Variants in OTOF observed in about 807,000 individuals in gnomAD.
The protein encoded by OTOF is otoferlin.
Under a neutral mutation model 236.8 loss-of-function variants are expected in OTOF, and 218 were observed. That is an observed-to-expected ratio of 0.92 (90% CI 0.82 to 1.03). OTOF has a LOEUF of 1.03. Among genes scored for constraint, OTOF ranks in the 50% least tolerant of loss-of-function variants. The pLI, the probability that OTOF is intolerant of heterozygous loss-of-function variation, is 0.00. For synonymous variants in OTOF, 1,041 were observed against 1,072.5 expected (o/e 0.97, Z 0.57); for missense variants, 2,590 against 2,694.4 (o/e 0.96, Z 0.86).
intron 3 of OTOF, among the ~76,000 whole-genome samples, chr2:26,525,104 G>T (rs562572606): frequency 5.3e-5 from 8 of 152,162 alleles, no homozygotes; most frequent in Non-Finnish European, 7.4e-5. Context: ...GGCCCCTGGT[G>T]GGGGGTGTCT....
At chr2:26,508,326 A>G (rs1666301105) in intron 5 of OTOF, among the ~76,000 whole-genome samples, 1 of 152,258 alleles carries the variant, frequency 6.6e-6, no homozygotes. Context: ...CCATGCCCCA[A>G]GGCACAGGGA....
chr2:26,470,540 G>A lies in OTOF; in HGVS notation c.4023+53C>T. The A allele has an allele frequency of 6.4e-7, 1 of 1,570,438 alleles. No homozygotes were observed. Among genetic ancestry groups the A allele is most frequent in the Non-Finnish European group, 8.8e-7 (1 of 1,140,506 alleles). On this transcript the variant is annotated intron_variant, in intron 32 of 46. Coordinates refer to ENST00000272371, the MANE Select transcript of OTOF (RefSeq NM_194248.3). The surrounding 1 kb of genome is among the most constrained non-coding windows in gnomAD (Gnocchi z 4.3). ...GGGCCGTGGGAAAGAAGCTGGACAG[G>A]AGGGTCTGAGTGTGGAGGGGGTCAC...
intron 14 of OTOF, among the ~76,000 whole-genome samples, chr2:26,482,184 T>C (rs1300758519): frequency 1.3e-5 from 2 of 152,192 alleles, no homozygotes; most frequent in African/African-American, 2.4e-5. Flanking sequence ...AACTACTAGC[T>C]GACAAATCCA....
intron 12 of OTOF, among the ~76,000 whole-genome samples, 162 bp downstream of exon 12, chr2:26,484,312 T>C (rs1007529912): frequency 2.0e-5 from 3 of 152,188 alleles, no homozygotes; most frequent in Non-Finnish European, 4.4e-5. Context: ...CATCACCCCC[T>C]GCCCCTGCCC....
chr2:26,517,722 C>T (rs1363062699), intron 4 of OTOF, among the ~76,000 whole-genome samples: 3 of 152,198 alleles, frequency 2.0e-5, no homozygotes, highest in African/African-American at 4.8e-5. Context: ...AATCCATTCC[C>T]CATCCAGGAC....
intron 1 of OTOF, among the ~76,000 whole-genome samples, chr2:26,543,211 C>T (rs756764625): frequency 9.2e-5 from 14 of 152,196 alleles, no homozygotes; most frequent in Non-Finnish European, 1.3e-4. Flanking sequence ...AGGCCAGATA[C>T]TCCCATGGAG....
In OTOF at chr2:26,502,329, T is replaced by A. The variant is rs1428247500; in HGVS notation, c.681A>T (p.Thr227=). ...DPDSVSLASV[T]ALTTNVSNKR... is the part of the protein sequence containing the mutation. The stretch of plus-strand genomic sequence containing the variant: ...TGTTGGAGACATTAGTGGTGAGAGC[T>A]GTGACTGAGGCTAGAGACACCGAGT... Residue 227 remains threonine (T), a synonymous_variant, in exon 7 of 47, where the codon ACA becomes ACT. Coordinates refer to ENST00000272371, the MANE Select transcript of OTOF (RefSeq NM_194248.3). 6.2e-7 allele frequency: 1 copy of A among 1,614,110 alleles called. No individual in the cohort carries two copies. Among genetic ancestry groups the A allele is most frequent in the African/African-American group, 1.3e-5 (1 of 75,052 alleles).
At chr2:26,467,006 T>C in intron 35 of OTOF, 93 bp downstream of exon 35, 1 of 1,392,782 alleles carries the variant, frequency 7.2e-7, no homozygotes, top group East Asian at 2.9e-5. Context: ...CTGGAGGCAG[T>C]GGCCGGGGCA....
rs1664939343 is a variant in OTOF, at chr2:26,470,798, C to T, written c.3895-77G>A. 1 of 1,571,120 alleles carries T rather than the reference C, an allele frequency of 6.4e-7. No homozygotes were observed. Among genetic ancestry groups the T allele is most frequent in the Non-Finnish European group, 8.6e-7 (1 of 1,163,204 alleles). On this transcript the variant is annotated intron_variant, in intron 31 of 46. Transcript: ENST00000272371. This position sits in a 1 kb window ranked among gnomAD's most constrained non-coding sequence, Gnocchi z 4.3. Reference sequence around the variant, plus strand: ...ATCCCGAGAGCCTCCACCCATTCCGCCATCTGTCAGCAGGAAGCCTTGGGC... The same window carrying T: ...ATCCCGAGAGCCTCCACCCATTCCGTCATCTGTCAGCAGGAAGCCTTGGGC...
chr2:26,466,760 G>A lies in OTOF; in HGVS notation c.4454C>T (p.Pro1485Leu), dbSNP rs200699092. ...CAGCACATTGATGGGGTCATTGCTCGGGATGCCCTGGAACATGCCGTAGGT... is the reference window on the plus strand; with the variant it reads ...CAGCACATTGATGGGGTCATTGCTCAGGATGCCCTGGAACATGCCGTAGGT... ...DSTYGMFQGIPSNDPINVLVR... is the reference protein window; with the variant it reads ...DSTYGMFQGILSNDPINVLVR... The change falls in exon 36 of 47, where the codon CCG becomes CTG. Residue 1485 changes from proline to leucine, a missense_variant. Pro to Leu is a moderately conservative substitution (Grantham distance 98, BLOSUM62 -3). Transcript: ENST00000272371. 9.1e-5 allele frequency: 147 copies of A among 1,614,110 alleles called. No individual in the cohort carries two copies. The highest frequency in any genetic ancestry group is 3.3e-5 in the South Asian group (3 of 91,092).
chr2:26,479,794 C>T (rs1200912418), intron 16 of OTOF, 141 bp from the exon 17 acceptor site: 1 of 796,966 alleles, frequency 1.3e-6, no homozygotes, highest in African/African-American at 1.7e-5. Context: ...CATCATTAGC[C>T]AGAGAGCATT....
intron 1 of OTOF, among the ~76,000 whole-genome samples, chr2:26,549,312 C>A (rs1185276210): frequency 6.6e-6 from 1 of 152,100 alleles, no homozygotes; most frequent in Non-Finnish European, 1.5e-5. Flanking sequence ...CTTGTAATAA[C>A]AATTTTTTTC....
chr2:26,485,922 G>A (rs899718523), intron 11 of OTOF, among the ~76,000 whole-genome samples: 17 of 152,346 alleles, frequency 1.1e-4, no homozygotes, highest in African/African-American at 4.1e-4. Flanking sequence ...AGGCTGGCAG[G>A]CCTCCAGGGA....
rs781707403 is a variant in OTOF, at chr2:26,462,143, A to G, written c.5231T>C (p.Val1744Ala). Residue 1744 changes from valine to alanine, a missense_variant, in exon 42 of 47, where the codon GTG becomes GCG. By Grantham distance (64) the Val-to-Ala change is moderately conservative. Coordinates refer to ENST00000272371, the MANE Select transcript of OTOF (RefSeq NM_194248.3). The surrounding 1 kb of genome is among the most constrained non-coding windows in gnomAD (Gnocchi z 4.7). ...GAAGAAGTCGTCGTCCTCCAAGACC[A>G]CCTCATCTGTGTTCCAGATGATGAC... ...LRVIIWNTDE[V>A]VLEDDDFFTG... 2.9e-5 allele frequency: 47 copies of G among 1,613,050 alleles called. No individual in the cohort carries two copies. Among genetic ancestry groups the G allele is most frequent in the Non-Finnish European group, 3.7e-5 (44 of 1,179,826 alleles).
chr2:26,555,948 C>T (rs1667575814), intron 1 of OTOF, among the ~76,000 whole-genome samples: 1 of 152,224 alleles, frequency 6.6e-6, no homozygotes, highest in African/African-American at 2.4e-5. Context: ...GATGAGGAAA[C>T]TGAGGGTGAG....
In OTOF at chr2:26,484,361, G is replaced by C. The variant is rs966394147; in HGVS notation, c.1205+113C>G. The C allele has an allele frequency of 1.3e-5, 15 of 1,145,714 alleles. No individual in the cohort carries two copies. In the African/African-American group the frequency reaches 2.3e-4, roughly 17 times the overall value. 71.0% of individuals were successfully genotyped at this position (1,145,714 alleles called of 1,614,324 possible). ...TGGGGCTGCTTGGGAGAGTGAGCGA[G>C]AGCAGGGTGAGGGAGACGGGTGGCA... On this transcript the variant is annotated intron_variant, in intron 12 of 46. Transcript: ENST00000272371.
intron 2 of OTOF, 82 bp downstream of exon 2, chr2:26,537,634 G>A: frequency 9.5e-7 from 1 of 1,048,956 alleles, no homozygotes; most frequent in Admixed American, 2.0e-5. Context: ...TGGGGCCAGT[G>A]TGTGCCCGCA....
chr2:26,533,304 T>C (rs1021853700), intron 2 of OTOF, among the ~76,000 whole-genome samples: 3 of 152,078 alleles, frequency 2.0e-5, no homozygotes, highest in African/African-American at 7.2e-5. Flanking sequence ...GCCAAAAAGG[T>C]TGGGGACTGC....
At position 26,479,267 on chromosome 2, in the gene OTOF, C is replaced by T. The variant is rs532708159; in HGVS notation, c.2211G>A (p.Lys737=). The T allele has an allele frequency of 2.2e-5, 36 of 1,612,684 alleles. No individual in the cohort carries two copies. The highest frequency in any genetic ancestry group is 1.6e-4 in the East Asian group (7 of 44,886). Residue 737 remains lysine, a synonymous_variant, in exon 18 of 47, where the codon AAG becomes AAA. Transcript: ENST00000272371. The part of the protein sequence containing the change: ...NANIMDHIAD[K]LEEGLNDIQE... The stretch of plus-strand genomic sequence containing the variant: ...TGGCCCCTGGCCTGGCCCTGACCAG[C>T]TTGTCGGCAATGTGGTCCATGATGT...
Sources: allele counts gnomAD v4.1 joint callset (sites outside exome capture counted in the v4.1 genomes callset), GRCh38; gene constraint gnomAD v4.1.1; non-coding constraint Gnocchi (gnomAD v3.1); transcripts MANE v1.5; gene names NCBI Gene and HGNC (gene_info 2026-07-23, HGNC 2026-07-21).